Variants in TRABD2B observed in about 807,000 individuals in gnomAD.
TRABD2B encodes the protein TraB domain containing 2B.
In TRABD2B, 14 loss-of-function variants were observed where a neutral mutation model predicts 40.1. That is an observed-to-expected ratio of 0.35 (90% confidence interval 0.23 to 0.55). The LOEUF (loss-of-function observed/expected upper bound fraction) is 0.55, where lower values mean the gene tolerates loss of function less well. Among genes scored for constraint, TRABD2B ranks in the 20% least tolerant of loss-of-function variants. TRABD2B has a pLI of 0.90. For synonymous variants in TRABD2B, 263 were observed against 277.0 expected (o/e 0.95, Z 0.50); for missense variants, 541 against 648.6 (o/e 0.83, Z 1.80).
chr1:47,940,960 G>A (rs889712767), intron 2 of TRABD2B, among the ~76,000 whole-genome samples: 12 of 152,194 alleles, frequency 7.9e-5, no homozygotes, highest in African/African-American at 2.7e-4. Flanking sequence ...GCCCAGAAGA[G>A]CAGTAGGGCC....
chr1:47,889,357 A>G (rs888677161), intron 2 of TRABD2B, among the ~76,000 whole-genome samples: 7 of 152,168 alleles, frequency 4.6e-5, no homozygotes, highest in African/African-American at 1.4e-4. Context: ...AATTGAAACA[A>G]TTTCTCACCT....
At chr1:47,898,326 C>T (rs1351097592) in intron 2 of TRABD2B, among the ~76,000 whole-genome samples, 2 of 152,232 alleles carry the variant, frequency 1.3e-5, no homozygotes, top group Admixed American at 1.3e-4. Context: ...ATAAAAGTCA[C>T]TGCCCTCTCA....
chr1:47,823,171 C>T (rs1254297476), intron 2 of TRABD2B, among the ~76,000 whole-genome samples: 2 of 152,266 alleles, frequency 1.3e-5, no homozygotes, highest in Non-Finnish European at 2.9e-5. Context: ...AGATCTGCTG[C>T]AGGCTGGGAA....
chr1:47,841,960 G>A (rs1025739147), intron 2 of TRABD2B, among the ~76,000 whole-genome samples: 1 of 151,720 alleles, frequency 6.6e-6, no homozygotes, highest in African/African-American at 2.4e-5. Context: ...TTTTAGTAGA[G>A]ATGGGGTTTC....
chr1:47,918,502 C>G (rs1306791260), intron 2 of TRABD2B, among the ~76,000 whole-genome samples: 1 of 152,314 alleles, frequency 6.6e-6, no homozygotes, highest in Admixed American at 6.5e-5. Context: ...GAATCCATGT[C>G]TATCTGATTC....
chr1:47,866,037 A>G (rs1184630890), intron 2 of TRABD2B, among the ~76,000 whole-genome samples: 1 of 131,250 alleles, frequency 7.6e-6, no homozygotes, highest in Non-Finnish European at 1.6e-5. Flanking sequence ...TGCATGAGTA[A>G]GTACTTTGAC....
At chr1:47,903,723 T>C (rs949504724) in intron 2 of TRABD2B, among the ~76,000 whole-genome samples, 4 of 152,118 alleles carry the variant, frequency 2.6e-5, no homozygotes, top group Non-Finnish European at 4.4e-5. Flanking sequence ...GTGGAGGAGT[T>C]TCCTTTCCAA....
chr1:47,960,980 A>G (rs149113412), intron 2 of TRABD2B, among the ~76,000 whole-genome samples: 3,400 of 152,268 alleles, frequency 0.022, 143 homozygotes, highest in African/African-American at 0.078. Context: ...GGCTACAGTA[A>G]CCAAAACAGC....
intron 2 of TRABD2B, among the ~76,000 whole-genome samples, chr1:47,834,579 G>GCACACACACACA (rs3035710): frequency 1.4e-3 from 213 of 148,926 alleles, no homozygotes; most frequent in African/African-American, 5.0e-3. Flanking sequence ...ACACACACGC[G>GCACACACACACA]CACACACACA....
intron 2 of TRABD2B, among the ~76,000 whole-genome samples, chr1:47,844,412 A>G (rs952359330): frequency 7.9e-5 from 12 of 152,170 alleles, no homozygotes; most frequent in African/African-American, 1.9e-4. Context: ...GGAGAAGTTC[A>G]TCTTTTCTGT....
At chr1:47,912,660 G>A (rs1644778782) in intron 2 of TRABD2B, among the ~76,000 whole-genome samples, 1 of 152,170 alleles carries the variant, frequency 6.6e-6, no homozygotes, top group Non-Finnish European at 1.5e-5. Flanking sequence ...ACCATATGCT[G>A]GGAGGGCTTA....
chr1:47,957,365 G>A lies in TRABD2B; in HGVS notation c.666+36669C>T, dbSNP rs181991905. 4.6e-5 allele frequency among the ~76,000 whole-genome samples: 7 copies of A among 152,316 alleles called. No homozygotes were observed. In the East Asian group the frequency reaches 5.8e-4, roughly 13 times the overall value. On this transcript the variant is annotated intron_variant, in intron 2 of 6. Coordinates refer to ENST00000606738, the MANE Select transcript of TRABD2B (RefSeq NM_001194986.2). ...ACAAAGCTGGATGGAGAATGACTTCGACGAGTTGAGAGAAGAAGGTGTCAG... is the reference window on the plus strand; with the variant it reads ...ACAAAGCTGGATGGAGAATGACTTCAACGAGTTGAGAGAAGAAGGTGTCAG...
At chr1:47,903,919 A>G (rs1644639700) in intron 2 of TRABD2B, among the ~76,000 whole-genome samples, 1 of 152,178 alleles carries the variant, frequency 6.6e-6, no homozygotes, top group Non-Finnish European at 1.5e-5. Flanking sequence ...GTTTGGTCAG[A>G]TCAGGTCACT....
intron 2 of TRABD2B, among the ~76,000 whole-genome samples, chr1:47,891,102 T>C (rs1428671672): frequency 6.6e-6 from 1 of 152,256 alleles, no homozygotes; most frequent in African/African-American, 2.4e-5. Context: ...CAGTTTGTTA[T>C]AAGGATTAAC....
rs186645552 is a variant in TRABD2B, at chr1:47,844,177, C to A, written c.667-42558G>T. ...GCAGCCCCAGTGCAATAACACCGTG[C>A]TGACCACACTTTAAAAAGTGATATA... On this transcript the variant is annotated intron_variant, in intron 2 of 6. Coordinates refer to ENST00000606738, the MANE Select transcript of TRABD2B (RefSeq NM_001194986.2). 2.7e-3 allele frequency among the ~76,000 whole-genome samples: 406 copies of A among 152,342 alleles called. 11 individuals are homozygous for A. Among genetic ancestry groups the A allele is most frequent in the Admixed American group, 0.024 (366 of 15,304 alleles).
intron 2 of TRABD2B, among the ~76,000 whole-genome samples, chr1:47,956,828 G>T (rs867106740): frequency 6.6e-6 from 1 of 152,206 alleles, no homozygotes; most frequent in Non-Finnish European, 1.5e-5. Context: ...AGACTTAAAC[G>T]TCCCTGTCTG....
At chr1:47,931,215 C>T (rs568618456) in intron 2 of TRABD2B, among the ~76,000 whole-genome samples, 2 of 152,294 alleles carry the variant, frequency 1.3e-5, no homozygotes, top group South Asian at 4.1e-4. Flanking sequence ...TTTAGGATTC[C>T]TTCTTTTTTA....
intron 2 of TRABD2B, among the ~76,000 whole-genome samples, chr1:47,940,202 G>C (rs1645167548): frequency 6.6e-6 from 1 of 152,324 alleles, no homozygotes; most frequent in South Asian, 2.1e-4. Context: ...TCAAGATGCA[G>C]CCTTGCTGAA....
At chr1:47,797,585 C>A (rs1644765062) in intron 3 of TRABD2B, among the ~76,000 whole-genome samples, 1 of 152,018 alleles carries the variant, frequency 6.6e-6, no homozygotes, top group African/African-American at 2.4e-5. Context: ...GGACAAGAAC[C>A]CAAAAGTGAA....
Sources: allele counts gnomAD v4.1 joint callset (sites outside exome capture counted in the v4.1 genomes callset), GRCh38; gene constraint gnomAD v4.1.1; transcripts MANE v1.5; gene names NCBI Gene and HGNC (gene_info 2026-07-23, HGNC 2026-07-21).